The following CDH2 variants were observed in gnomAD, a reference collection of about 807,000 sequenced individuals.
The protein encoded by CDH2 is cadherin 2.
CDH2 carries 17 observed loss-of-function variants against 92.0 expected under a neutral mutation model. That is an observed-to-expected ratio of 0.18 (90% confidence interval 0.13 to 0.28). The LOEUF (loss-of-function observed/expected upper bound fraction) is 0.28, where lower values mean the gene tolerates loss of function less well. CDH2 is among the 10% of genes least tolerant of loss of function. The pLI, the probability that CDH2 is intolerant of heterozygous loss-of-function variation, is 1.00. For missense variants in CDH2, 862 were observed against 1,133.1 expected, an observed-to-expected ratio of 0.76 and a Z score of 3.44; for synonymous variants, 419 against 415.9, an observed-to-expected ratio of 1.01 and a Z score of -0.09.
intron 1 of CDH2, among the ~76,000 whole-genome samples, chr18:28,153,950 G>C (rs1458509082): frequency 1.3e-5 from 2 of 152,076 alleles, no homozygotes; most frequent in African/African-American, 4.8e-5. Context: ...ACAGATTCTT[G>C]GGTCCTAGCC....
At chr18:27,971,308 C>CT (rs60035433) in intron 14 of CDH2, among the ~76,000 whole-genome samples, 8,696 of 114,364 alleles carry the variant, frequency 0.076, 319 homozygotes, top group African/African-American at 0.11. Flanking sequence ...CATGTCAGTT[C>CT]TTTTTTTTTT....
At chr18:28,122,674 C>G (rs1418706130) in intron 2 of CDH2, among the ~76,000 whole-genome samples, 1 of 152,088 alleles carries the variant, frequency 6.6e-6, no homozygotes, top group African/African-American at 2.4e-5. Context: ...TTATAAAACA[C>G]TAAGAAATAA....
intron 14 of CDH2, among the ~76,000 whole-genome samples, chr18:27,964,639 C>A (rs2011492669): frequency 6.6e-6 from 1 of 152,104 alleles, no homozygotes; most frequent in African/African-American, 2.4e-5. Context: ...TAACGTTTAC[C>A]ATGTTTTGGC....
intron 11 of CDH2, among the ~76,000 whole-genome samples, chr18:27,986,977 A>G (rs1157305871): frequency 6.6e-6 from 1 of 152,246 alleles, no homozygotes; most frequent in East Asian, 1.9e-4. Context: ...TAACGAACAG[A>G]GCTGGGGCTC....
chr18:28,019,955 G>C (rs2013362883), intron 2 of CDH2, among the ~76,000 whole-genome samples: 1 of 152,022 alleles, frequency 6.6e-6, no homozygotes, highest in Admixed American at 6.6e-5. Flanking sequence ...TGTGGTTTTG[G>C]AGCAATCCAT....
chr18:28,057,611 G>A (rs988263418), intron 2 of CDH2, among the ~76,000 whole-genome samples: 4 of 151,504 alleles, frequency 2.6e-5, no homozygotes, highest in Non-Finnish European at 5.9e-5. Context: ...CAGTTGCAGT[G>A]AGCCAAGATC....
At chr18:27,972,163 T>G (rs1377645330) in intron 14 of CDH2, among the ~76,000 whole-genome samples, 4 of 152,052 alleles carry the variant, frequency 2.6e-5, no homozygotes, top group Non-Finnish European at 5.9e-5. Context: ...ATACTCAGAT[T>G]TTTTTTTAAT....
chr18:27,963,581 C>T, intron 14 of CDH2, 60 bp from the exon 15 acceptor site: 2 of 1,522,664 alleles, frequency 1.3e-6, no homozygotes, highest in South Asian at 1.1e-5. Flanking sequence ...AAAATTACAA[C>T]CTCGCTTTTT....
chr18:28,070,609 C>A (rs536769056), intron 2 of CDH2, among the ~76,000 whole-genome samples: 12 of 152,200 alleles, frequency 7.9e-5, no homozygotes, highest in Non-Finnish European at 1.5e-4. Flanking sequence ...GGGCTGGACG[C>A]TTCACTAAAC....
At chr18:27,985,871 C>T in intron 11 of CDH2, 110 bp from the exon 12 acceptor site, 2 of 666,532 alleles carry the variant, frequency 3.0e-6, no homozygotes, top group Non-Finnish European at 5.1e-6. Context: ...AACTGTGTAA[C>T]CTTGGAAAAA....
chr18:27,985,264 A>T, intron 12 of CDH2, 31 bp from the exon 13 acceptor site: 1 of 1,254,452 alleles, frequency 8.0e-7, no homozygotes. Context: ...ATAGTTTGAT[A>T]GGTAATACTT....
intron 2 of CDH2, among the ~76,000 whole-genome samples, chr18:28,115,784 TATCC>T: frequency 6.6e-6 from 1 of 152,290 alleles, no homozygotes. Context: ...ACACGTGGAA[TATCC>T]GCACTCTACT....
chr18:27,946,339 A>G (rs906799589), downstream of CDH2, among the ~76,000 whole-genome samples: 2 of 152,110 alleles, frequency 1.3e-5, no homozygotes, highest in Non-Finnish European at 2.9e-5. Flanking sequence ...GAAAAAAGTA[A>G]AAAAGAAAAA....
intron 2 of CDH2, among the ~76,000 whole-genome samples, chr18:28,037,598 G>C (rs1164301233): frequency 1.3e-5 from 2 of 152,078 alleles, no homozygotes; most frequent in African/African-American, 4.8e-5. Context: ...AAATAACCCA[G>C]AGCAGAAGAA....
At position 28,066,897 on chromosome 18, in the gene CDH2, A is replaced by C. The variant is rs1235006387; in HGVS notation, c.173-52988T>G. Among the ~76,000 whole-genome samples, 6 of 152,186 alleles carry C rather than the reference A, an allele frequency of 3.9e-5. No homozygotes were observed. In the East Asian group the frequency reaches 1.2e-3, roughly 29 times the overall value. On this transcript the variant is annotated intron_variant, in intron 2 of 15. Coordinates refer to ENST00000269141, the MANE Select transcript of CDH2 (RefSeq NM_001792.5). ...AGATAAAAACCGAAAGTAAATTTTA[A>C]GTAAAACTCAAAATAAAACCCTAAA...
At chr18:27,977,179 C>A (rs2011859813) in intron 14 of CDH2, among the ~76,000 whole-genome samples, 1 of 151,980 alleles carries the variant, frequency 6.6e-6, no homozygotes, top group South Asian at 2.1e-4. Context: ...CTAAAAGTGT[C>A]TGTTCAACCG....
chr18:28,108,627 G>T (rs1209083859), intron 2 of CDH2, among the ~76,000 whole-genome samples: 1 of 151,982 alleles, frequency 6.6e-6, no homozygotes, highest in Non-Finnish European at 1.5e-5. Context: ...ATGCATTTGC[G>T]CATGCTCAAT....
chr18:27,949,732 C>A (rs534913555), downstream of CDH2, among the ~76,000 whole-genome samples: 1 of 151,622 alleles, frequency 6.6e-6, no homozygotes, highest in East Asian at 1.9e-4. Context: ...AGCATGGCAG[C>A]GGGTTTCCAT....
At chr18:28,068,137 G>A (rs985063533) in intron 2 of CDH2, among the ~76,000 whole-genome samples, 1 of 152,144 alleles carries the variant, frequency 6.6e-6, no homozygotes, top group Admixed American at 6.5e-5. Context: ...CGAAACACAA[G>A]GGAGGATCCC....
Sources: allele counts gnomAD v4.1 joint callset (sites outside exome capture counted in the v4.1 genomes callset), GRCh38; gene constraint gnomAD v4.1.1; transcripts MANE v1.5; gene names NCBI Gene and HGNC (gene_info 2026-07-23, HGNC 2026-07-21).